Variants in GLS observed in about 807,000 individuals in gnomAD.
The protein encoded by GLS is glutaminase kidney isoform, mitochondrial.
A neutral mutation model predicts 86.7 loss-of-function variants in GLS; 36 were observed. That is an observed-to-expected ratio of 0.42 (90% CI 0.32 to 0.55). The LOEUF is 0.55. GLS is among the 20% of genes least tolerant of loss of function. The pLI is 0.17. For synonymous variants in GLS, 317 were observed against 305.9 expected (o/e 1.04, Z -0.38); for missense variants, 528 against 833.4 (o/e 0.63, Z 4.51).
rs1690716385 is a variant in GLS at position 190,951,405 on chromosome 2, T to C, written c.1651-2160T>C. Among the ~76,000 whole-genome samples the C allele has an allele frequency of 6.6e-6, 1 of 152,122 alleles. No individual in the cohort carries two copies. Among genetic ancestry groups the C allele is most frequent in the African/African-American group, 2.4e-5 (1 of 41,412 alleles). The stretch of plus-strand genomic sequence containing the variant: ...AGAACAATAGGGTCAAGTGTTGCTT[T>C]TTAAAAATAGGATGAAATTGTGTCT... On this transcript the variant is annotated intron_variant, in intron 14 of 17. Coordinates refer to ENST00000320717, the MANE Select transcript of GLS (RefSeq NM_014905.5). The surrounding 1 kb of genome is among the most constrained non-coding windows in gnomAD (Gnocchi z 4.2).
rs113864025 is a variant in GLS, at chr2:190,941,416, T to G, written c.1650+9779T>G. ...AACTATAAGAACATGAACACCAATC[T>G]TTAGATAAAGCTTACTGCCAGGAGG... On this transcript the variant is annotated intron_variant, in intron 14 of 17. Transcript: ENST00000320717. 9.6e-3 allele frequency among the ~76,000 whole-genome samples: 1,464 copies of G among 152,278 alleles called. 13 individuals carry two copies. The highest frequency in any genetic ancestry group is 0.071 in the Middle Eastern group (21 of 294).
intron 6 of GLS, among the ~76,000 whole-genome samples, chr2:190,907,656 A>T (rs1264643590): frequency 6.6e-6 from 1 of 152,168 alleles, no homozygotes; most frequent in African/African-American, 2.4e-5. Flanking sequence ...CTTTATGGAG[A>T]TGTCAGTTTT....
chr2:190,906,501 A>G (rs1414558927), intron 6 of GLS, among the ~76,000 whole-genome samples: 1 of 152,210 alleles, frequency 6.6e-6, no homozygotes, highest in Non-Finnish European at 1.5e-5. Flanking sequence ...TGTATTCTAT[A>G]TAAGAAAAAA....
chr2:190,910,933 G>GT lies in GLS; in HGVS notation c.1038+626dup, dbSNP rs772090775. On this transcript the variant is annotated intron_variant, in intron 7 of 17. Transcript: ENST00000320717. ...ATGCTTTGAAATTTGCATTGTAAGG[G>GT]TTTTTTTTTTTTTTAGTGTTTGGTT... Among the ~76,000 whole-genome samples the GT allele has an allele frequency of 4.9e-3, 635 of 129,916 alleles. 1 individual carries two copies. Among genetic ancestry groups the GT allele is most frequent in the South Asian group, 0.017 (71 of 4,064 alleles). 85.2% of individuals were successfully genotyped at this position (129,916 alleles called of 152,430 possible). A position where few individuals can be genotyped will look rare whatever the true frequency, so the allele number is the denominator to read the frequency against.
chr2:190,930,623 ATTCT>A lies in GLS; in HGVS notation c.1557+58_1557+61del. ...GTGTTACAAGTTGAGCCATCCAATG[ATTCT>A]TTTTTTTAACCCATTTTCCATAGTT... is the stretch of plus-strand genomic sequence containing the variant. On this transcript the variant is annotated intron_variant, in intron 13 of 17. Transcript: ENST00000320717. The surrounding 1 kb of genome is among the most constrained non-coding windows in gnomAD (Gnocchi z 5.0). 6.5e-7 allele frequency: 1 copy of A among 1,532,688 alleles called. No individual in the cohort carries two copies. The highest frequency in any genetic ancestry group is 8.9e-7 in the Non-Finnish European group (1 of 1,125,230). 94.9% of individuals were successfully genotyped at this position (1,532,688 alleles called of 1,614,324 possible).
rs1020940418 is a variant in GLS, at chr2:190,935,086, T to G, written c.1650+3449T>G. The G allele has an allele frequency of 4.5e-5, 43 of 945,392 alleles. No individual in the cohort carries two copies. Among genetic ancestry groups the G allele is most frequent in the Non-Finnish European group, 5.2e-5 (41 of 793,972 alleles). The allele number at this position is 945,392 out of a possible 1,614,324, so 58.6% of individuals were successfully genotyped here. On this transcript the variant is annotated intron_variant, in intron 14 of 17. Transcript: ENST00000320717. The surrounding 1 kb of genome is among the most constrained non-coding windows in gnomAD (Gnocchi z 4.2). ...TTGATTTTCTTTTTTCTTTCTTTTT[T>G]TGGCATCATTAACATTTCATTTGAA...
chr2:190,946,006 CTG>C (rs1285375446), intron 14 of GLS, among the ~76,000 whole-genome samples: 1 of 152,258 alleles, frequency 6.6e-6, no homozygotes, highest in Admixed American at 6.5e-5. Context: ...ATATTAATAA[CTG>C]TGTCTCAGTA....
intron 17 of GLS, among the ~76,000 whole-genome samples, chr2:190,958,123 G>T (rs138052797): frequency 6.6e-6 from 1 of 152,176 alleles, no homozygotes; most frequent in African/African-American, 2.4e-5. Flanking sequence ...ACTTGTTATC[G>T]GTCTATTCAG....
At chr2:190,884,832 A>G (rs1405507684) in intron 1 of GLS, among the ~76,000 whole-genome samples, 2 of 152,230 alleles carry the variant, frequency 1.3e-5, no homozygotes, top group Non-Finnish European at 2.9e-5. Flanking sequence ...CCCTTCTCAG[A>G]TTGGCAGATG....
rs1546646 is a variant in GLS at position 190,963,870 on chromosome 2, A to G, written c.*884A>G. 76,919 of 151,958 alleles carry G rather than the reference A, an allele frequency of 0.51. 21,078 individuals carry two copies. Among genetic ancestry groups the G allele is most frequent in the Non-Finnish European group, 0.62 (42,022 of 67,940 alleles). The allele number at this position is 151,958 out of a possible 1,614,324, so 9.4% of individuals were successfully genotyped here. A position where few individuals can be genotyped will look rare whatever the true frequency, so the allele number is the denominator to read the frequency against. On this transcript the variant is annotated 3_prime_UTR_variant, in exon 18 of 18. Coordinates refer to ENST00000320717, the MANE Select transcript of GLS (RefSeq NM_014905.5). ...TTAGTCAAGTTTATCAGTCTAAAAAACGAAGGGATGTGCAACTGCAGCTCT... is the reference window on the plus strand; with the variant it reads ...TTAGTCAAGTTTATCAGTCTAAAAAGCGAAGGGATGTGCAACTGCAGCTCT...
At chr2:190,961,690 T>G (rs933398783) in intron 17 of GLS, among the ~76,000 whole-genome samples, 1 of 10,890 alleles carries the variant, frequency 9.2e-5, no homozygotes. Context: ...AATTCAGCTG[T>G]TTTTTTTTTT....
At position 190,902,514 on chromosome 2, in the gene GLS, A is replaced by T. The variant is rs148770604; in HGVS notation, c.815+488A>T. Among the ~76,000 whole-genome samples the T allele has an allele frequency of 8.5e-5, 13 of 152,330 alleles. 1 individual carries two copies. In the East Asian group the frequency reaches 1.2e-3, roughly 14 times the overall value. On this transcript the variant is annotated intron_variant, in intron 5 of 17. Coordinates refer to ENST00000320717, the MANE Select transcript of GLS (RefSeq NM_014905.5). ...CATGTAGGATTTCATGAAGTCCATG[A>T]AAGCAGCATTTGGGAATTGCTTACA...
chr2:190,923,169 A>G (rs138562879), intron 9 of GLS, among the ~76,000 whole-genome samples: 181 of 152,202 alleles, frequency 1.2e-3, no homozygotes, highest in Non-Finnish European at 2.1e-3. Context: ...TTTCAAACTG[A>G]TGTCAGAGTT....
chr2:190,961,251 T>A (rs1690993823), intron 17 of GLS, among the ~76,000 whole-genome samples: 1 of 152,156 alleles, frequency 6.6e-6, no homozygotes, highest in Non-Finnish European at 1.5e-5. Context: ...CAGGCTGGAG[T>A]GCAGTGGCGT....
chr2:190,926,321 T>G (rs1689892797), intron 11 of GLS, among the ~76,000 whole-genome samples: 1 of 152,170 alleles, frequency 6.6e-6, no homozygotes, highest in Admixed American at 6.5e-5. Context: ...GATTCTGTCG[T>G]TTTTGAGAAA....
intron 4 of GLS, among the ~76,000 whole-genome samples, chr2:190,901,460 A>C (rs1688935518): frequency 6.6e-6 from 1 of 152,088 alleles, no homozygotes; most frequent in African/African-American, 2.4e-5. Context: ...TGGCGGAAGC[A>C]GAAAAGAATC....
intron 14 of GLS, among the ~76,000 whole-genome samples, chr2:190,937,215 T>G (rs1296674213): frequency 2.0e-5 from 3 of 151,410 alleles, no homozygotes; most frequent in Non-Finnish European, 4.5e-5. Flanking sequence ...TATTTCAAAT[T>G]GTAACAAAGT....
At chr2:190,922,659 A>G (rs1320478491) in intron 9 of GLS, among the ~76,000 whole-genome samples, 1 of 152,134 alleles carries the variant, frequency 6.6e-6, no homozygotes, top group Non-Finnish European at 1.5e-5. Flanking sequence ...AGTCACTGTG[A>G]TAACTGCTGA....
intron 14 of GLS, among the ~76,000 whole-genome samples, chr2:190,940,604 G>A (rs1035881068): frequency 4.6e-5 from 7 of 152,046 alleles, no homozygotes; most frequent in African/African-American, 1.7e-4. Flanking sequence ...TAAATTTGTA[G>A]TCAGATAACT....
Sources: gnomAD v4.1 joint callset for allele counts (sites outside exome capture counted in the v4.1 genomes callset) on GRCh38, gnomAD v4.1.1 for gene constraint, Gnocchi (gnomAD v3.1) non-coding constraint, MANE v1.5 for transcripts, NCBI Gene and HGNC (gene_info 2026-07-23, HGNC 2026-07-21) for gene names.